The following PLEKHM2 variants were observed in gnomAD, a reference collection of about 807,000 sequenced individuals.
PLEKHM2 encodes pleckstrin homology and RUN domain containing M2, also known as pleckstrin homology domain-containing family M member 2.
In PLEKHM2, 77 loss-of-function variants were observed where a neutral mutation model predicts 116.3. The ratio of observed to expected loss-of-function variants is 0.66; its 90% CI spans 0.55 to 0.80. PLEKHM2 has a LOEUF of 0.80. PLEKHM2 is among the 30% of genes least tolerant of loss of function. The pLI is 0.00. For synonymous variants in PLEKHM2, 562 were observed against 571.0 expected (o/e 0.98, Z 0.22); for missense variants, 1,183 against 1,354.9 (o/e 0.87, Z 1.99).
chr1:15,720,329 AC>A (rs1371645122), intron 6 of PLEKHM2: 9 of 984,800 alleles, frequency 9.1e-6, no homozygotes, highest in Non-Finnish European at 1.1e-5. Flanking sequence ...AGGTTAAGCA[AC>A]CCCTAGAAGA....
rs577044690 is a variant in PLEKHM2 at position 15,729,147 on chromosome 1, A to C, written c.2032A>C (p.Arg678=). The change falls in exon 13 of 20, where the codon AGG becomes CGG. Residue 678 remains arginine (R), a synonymous_variant. Transcript: ENST00000375799. This position sits in a 1 kb window ranked among gnomAD's most constrained non-coding sequence, Gnocchi z 4.7. ...GGTGAAGCTGGTGTGCACCAACCGCAGGAAGCAGTTTCTGCTGGACACGGC... is the reference window on the plus strand; with the variant it reads ...GGTGAAGCTGGTGTGCACCAACCGCCGGAAGCAGTTTCTGCTGGACACGGC... The part of the protein sequence containing the change: ...QTVKLVCTNR[R]KQFLLDTADV... 5.0e-6 allele frequency: 8 copies of C among 1,612,248 alleles called. No individual in the cohort carries two copies. The highest frequency in any genetic ancestry group is 1.7e-4 in the Middle Eastern group (1 of 6,050).
At chr1:15,725,893 G>C (rs2068058386) in intron 8 of PLEKHM2, 1 of 311,878 alleles carries the variant, frequency 3.2e-6, no homozygotes, top group East Asian at 7.0e-5. Context: ...GCGGGGAGTG[G>C]AGAGAGAGCT....
chr1:15,696,731 T>C (rs1192047981), intron 1 of PLEKHM2, among the ~76,000 whole-genome samples: 1 of 152,168 alleles, frequency 6.6e-6, no homozygotes, highest in Non-Finnish European at 1.5e-5. Context: ...CCTACCAAGC[T>C]CCTTCCCCCG....
At chr1:15,683,805 T>G, upstream of PLEKHM2, among the ~76,000 whole-genome samples, 1 of 135,188 alleles carries the variant, frequency 7.4e-6, no homozygotes, top group South Asian at 2.4e-4. Context: ...AGGGGGAGGG[T>G]CTCCAGGGTC....
At chr1:15,714,383 G>A (rs1641399884) in intron 1 of PLEKHM2, among the ~76,000 whole-genome samples, 1 of 148,476 alleles carries the variant, frequency 6.7e-6, no homozygotes, top group Non-Finnish European at 1.5e-5. Flanking sequence ...CTACCCCAGT[G>A]TGGTCGTACT....
chr1:15,734,397 C>T lies in PLEKHM2; in HGVS notation c.*463C>T, dbSNP rs10927843. The T allele has an allele frequency of 0.058, 9,346 of 160,916 alleles. 934 individuals carry two copies. Among genetic ancestry groups the T allele is most frequent in the African/African-American group, 0.21 (8,582 of 41,632 alleles). 10.0% of individuals were successfully genotyped at this position (160,916 alleles called of 1,614,324 possible). A position where few individuals can be genotyped will look rare whatever the true frequency, so the allele number is the denominator to read the frequency against. ...ACACTCTCCTGGCCACGTGGGGAAG[C>T]GGGAACACGGGGTGTCTGCGCATGT... On this transcript the variant is annotated 3_prime_UTR_variant, in exon 20 of 20. Transcript: ENST00000375799.
intron 1 of PLEKHM2, among the ~76,000 whole-genome samples, chr1:15,706,581 A>G (rs925376853): frequency 1.3e-5 from 2 of 151,686 alleles, no homozygotes; most frequent in Admixed American, 6.6e-5. Flanking sequence ...AATTTTTTGT[A>G]TTTTAAATAG....
chr1:15,730,575 A>G lies in PLEKHM2; in HGVS notation c.2252A>G (p.Glu751Gly). The change falls in exon 15 of 20, where the codon GAG becomes GGG. Residue 751 changes from glutamate (E) to glycine (G), a missense_variant. By Grantham distance (98) the Glu-to-Gly change is moderately conservative. Coordinates refer to ENST00000375799, the MANE Select transcript of PLEKHM2 (RefSeq NM_015164.4). ...TVRFYGLVHW[E>G]DPTDESLGPT... The stretch of plus-strand genomic sequence containing the variant: ...CGCTTCTACGGCCTTGTGCACTGGG[A>G]GGACCCCACAGACGAGTCCCTGGGC... 1 of 1,603,976 alleles carries G rather than the reference A, an allele frequency of 6.2e-7. No homozygotes were observed. Among genetic ancestry groups the G allele is most frequent in the Non-Finnish European group, 8.5e-7 (1 of 1,176,014 alleles).
chr1:15,718,347 C>G (rs1641487692), intron 4 of PLEKHM2, among the ~76,000 whole-genome samples, 191 bp from the exon 5 acceptor site: 1 of 152,228 alleles, frequency 6.6e-6, no homozygotes, highest in African/African-American at 2.4e-5. Flanking sequence ...ACTGGCAGGA[C>G]AGTGCAGTGT....
chr1:15,684,741 G>A, intron 1 of PLEKHM2, 123 bp downstream of exon 1: 1 of 342,756 alleles, frequency 2.9e-6, no homozygotes, highest in Non-Finnish European at 4.6e-6. Context: ...GGCGACGAGC[G>A]GCCGGGAGCC....
At chr1:15,684,910 A>G (rs1439499113) in intron 1 of PLEKHM2, among the ~76,000 whole-genome samples, 6 of 151,684 alleles carry the variant, frequency 4.0e-5, no homozygotes, top group African/African-American at 1.2e-4. Flanking sequence ...CCGGTCCCCC[A>G]CTGGGGCAGC....
chr1:15,718,474 G>C (rs1351328082), intron 4 of PLEKHM2, 64 bp from the exon 5 acceptor site: 2 of 948,986 alleles, frequency 2.1e-6, no homozygotes, highest in Non-Finnish European at 3.3e-6. Flanking sequence ...TGGTATGTTG[G>C]TAAGGTTAGG....
intron 4 of PLEKHM2, 65 bp downstream of exon 4, chr1:15,718,057 C>A: frequency 9.8e-7 from 1 of 1,019,398 alleles, no homozygotes; most frequent in Non-Finnish European, 1.5e-6. Context: ...CTCCCAAAGG[C>A]TCTTGTCATG....
In PLEKHM2 at chr1:15,718,599, G is replaced by C; in HGVS notation, c.439G>C (p.Glu147Gln). 6.7e-7 allele frequency: 1 copy of C among 1,487,120 alleles called. No homozygotes were observed. Among genetic ancestry groups the C allele is most frequent in the Non-Finnish European group, 9.1e-7 (1 of 1,103,104 alleles). The allele number at this position is 1,487,120 out of a possible 1,614,324, so 92.1% of individuals were successfully genotyped here. A position where few individuals can be genotyped will look rare whatever the true frequency, so the allele number is the denominator to read the frequency against. ...TLFLTLVSGL[E>Q]FIRFELDLDA... ...CTTCCTGACCTTGGTGTCCGGGCTAGAGTTCATTCGTTTCGAGCTGGATCT... is the reference window on the plus strand; with the variant it reads ...CTTCCTGACCTTGGTGTCCGGGCTACAGTTCATTCGTTTCGAGCTGGATCT... The change falls in exon 5 of 20, where the codon GAG becomes CAG. Residue 147 changes from glutamate (E) to glutamine (Q), a missense_variant. Glu to Gln is a conservative substitution (Grantham distance 29). Coordinates refer to ENST00000375799, the MANE Select transcript of PLEKHM2 (RefSeq NM_015164.4).
At chr1:15,716,400 T>C in intron 2 of PLEKHM2, 57 bp downstream of exon 2, 1 of 1,055,560 alleles carries the variant, frequency 9.5e-7, no homozygotes, top group Admixed American at 2.2e-5. Flanking sequence ...ATGAGTAGCC[T>C]CCACAGAGAA....
chr1:15,708,144 C>A (rs1204376171), intron 1 of PLEKHM2, among the ~76,000 whole-genome samples: 1 of 152,040 alleles, frequency 6.6e-6, no homozygotes, highest in Non-Finnish European at 1.5e-5. Flanking sequence ...CTCGGCCTCC[C>A]AAAGTGCTGG....
Position 15,732,004 on chromosome 1 carries a change from A to T in PLEKHM2, c.2581A>T (p.Met861Leu). The change falls in exon 17 of 20, where the codon ATG becomes TTG. Residue 861 changes from methionine to leucine, a missense_variant. This residue lies in a region of PLEKHM2 where 594 missense variants were observed against 720.1 expected (regional missense o/e 0.82). Transcript: ENST00000375799. ...LELSAESEAE[M>L]AEWMQHLCQA... Reference sequence around the variant, plus strand: ...GCTAAGTGCCGAGAGCGAGGCCGAGATGGCCGAGTGGATGCAGCATCTCTG... The same window carrying T: ...GCTAAGTGCCGAGAGCGAGGCCGAGTTGGCCGAGTGGATGCAGCATCTCTG... The T allele has an allele frequency of 6.2e-7, 1 of 1,612,416 alleles. No homozygotes were observed. The highest frequency in any genetic ancestry group is 8.5e-7 in the Non-Finnish European group (1 of 1,179,682).
At chr1:15,689,200 G>A (rs564710096) in intron 1 of PLEKHM2, among the ~76,000 whole-genome samples, 2 of 146,816 alleles carry the variant, frequency 1.4e-5, no homozygotes, top group East Asian at 4.0e-4. Context: ...GTGAGTTGTG[G>A]CACCATTGCA....
chr1:15,714,348 T>TAAAAAAAAA (rs764341573), intron 1 of PLEKHM2, among the ~76,000 whole-genome samples: 1 of 110,236 alleles, frequency 9.1e-6, no homozygotes, highest in Non-Finnish European at 1.9e-5. Context: ...ATTTTGAAAT[T>TAAAAAAAAA]AAAAAAAAAA....
Sources: gnomAD v4.1 joint callset for allele counts (sites outside exome capture counted in the v4.1 genomes callset) on GRCh38, gnomAD v4.1.1 for gene constraint, gnomAD v4.1.1 regional missense constraint, Gnocchi (gnomAD v3.1) non-coding constraint, MANE v1.5 for transcripts, NCBI Gene and HGNC (gene_info 2026-07-23, HGNC 2026-07-21) for gene names.